The following ARHGAP26 variants were observed in gnomAD, a reference collection of about 807,000 sequenced individuals.
The protein encoded by ARHGAP26 is rho GTPase-activating protein 26.
A neutral mutation model predicts 104.8 loss-of-function variants in ARHGAP26; 38 were observed. The ratio of observed to expected loss-of-function variants is 0.36; its 90% CI spans 0.28 to 0.48. The LOEUF (loss-of-function observed/expected upper bound fraction) is 0.48, where lower values mean the gene tolerates loss of function less well. Among genes scored for constraint, ARHGAP26 ranks in the 20% least tolerant of loss-of-function variants. The pLI is 0.99. For missense variants in ARHGAP26, 704 were observed against 947.9 expected, an observed-to-expected ratio of 0.74 and a Z score of 3.38; for synonymous variants, 341 against 340.0, an observed-to-expected ratio of 1.00 and a Z score of -0.03.
chr5:142,969,028 C>G (rs1771840389), intron 11 of ARHGAP26, among the ~76,000 whole-genome samples: 1 of 152,218 alleles, frequency 6.6e-6, no homozygotes, highest in South Asian at 2.1e-4. Context: ...ACCTCCCAGG[C>G]TCAAGTGATC....
intron 17 of ARHGAP26, among the ~76,000 whole-genome samples, chr5:143,097,360 G>GAAAAAAAAAAAAAA (rs56116431): frequency 1.6e-5 from 1 of 63,248 alleles, no homozygotes; most frequent in Non-Finnish European, 3.5e-5. Context: ...TCAAAAAAAA[G>GAAAAAAAAAAAAAA]AAAAAAAAAA....
intron 17 of ARHGAP26, chr5:143,058,093 A>C (rs917178863): frequency 4.2e-6 from 2 of 480,772 alleles, no homozygotes; most frequent in Non-Finnish European, 8.2e-6. Context: ...TATGCTCATC[A>C]AGAACAAACA....
At chr5:143,151,813 C>T (rs1440616367) in intron 20 of ARHGAP26, among the ~76,000 whole-genome samples, 1 of 152,052 alleles carries the variant, frequency 6.6e-6, no homozygotes, top group African/African-American at 2.4e-5. Flanking sequence ...AAAAAATTAG[C>T]TGGGCATGAT....
At chr5:142,843,659 A>G (rs1771280658) in intron 1 of ARHGAP26, among the ~76,000 whole-genome samples, 1 of 152,202 alleles carries the variant, frequency 6.6e-6, no homozygotes, top group African/African-American at 2.4e-5. Flanking sequence ...TGATTAAAAC[A>G]TTTCTCAGTA....
intron 20 of ARHGAP26, among the ~76,000 whole-genome samples, chr5:143,178,629 G>C (rs895930751): frequency 6.6e-6 from 1 of 152,176 alleles, no homozygotes; most frequent in Non-Finnish European, 1.5e-5. Context: ...CATTTCTGTC[G>C]TTGTACTTAA....
At chr5:143,051,114 G>C (rs1598806513) in intron 14 of ARHGAP26, among the ~76,000 whole-genome samples, 1 of 152,094 alleles carries the variant, frequency 6.6e-6, no homozygotes, top group East Asian at 1.9e-4. Flanking sequence ...CTCACTTAAA[G>C]AGAGAAAAAG....
intron 17 of ARHGAP26, among the ~76,000 whole-genome samples, chr5:143,074,986 G>A (rs769984229): frequency 3.9e-5 from 6 of 152,226 alleles, no homozygotes; most frequent in Non-Finnish European, 5.9e-5. Flanking sequence ...TGTGAGATAG[G>A]TGCTGGGGAA....
At chr5:143,118,803 G>T (rs557968617) in intron 17 of ARHGAP26, among the ~76,000 whole-genome samples, 7 of 151,928 alleles carry the variant, frequency 4.6e-5, no homozygotes, top group South Asian at 4.1e-4. Context: ...GTGGGGAGAG[G>T]GGGGAGGGAT....
At chr5:143,014,374 C>T (rs899907522) in intron 12 of ARHGAP26, 3 of 547,986 alleles carry the variant, frequency 5.5e-6, no homozygotes, top group East Asian at 3.0e-5. Flanking sequence ...AAAGCATTCT[C>T]GTGTACATTA....
intron 11 of ARHGAP26, among the ~76,000 whole-genome samples, chr5:142,971,924 A>G (rs1341876991): frequency 6.6e-6 from 1 of 152,160 alleles, no homozygotes; most frequent in African/African-American, 2.4e-5. Flanking sequence ...GCTCACGCCT[A>G]TAATCCCAGC....
intron 1 of ARHGAP26, among the ~76,000 whole-genome samples, chr5:142,808,248 A>T (rs1763392396): frequency 3.0e-5 from 4 of 135,330 alleles, no homozygotes; most frequent in African/African-American, 6.4e-5. Context: ...AAAAAAAAAA[A>T]AAAAAAAAAA....
intron 1 of ARHGAP26, among the ~76,000 whole-genome samples, chr5:142,781,786 A>G (rs961945987): frequency 1.3e-5 from 2 of 152,106 alleles, no homozygotes; most frequent in Admixed American, 6.6e-5. Context: ...ATCTTGGCTC[A>G]CTGCAACCTC....
intron 5 of ARHGAP26, among the ~76,000 whole-genome samples, chr5:142,888,387 T>A (rs1758018807): frequency 6.6e-6 from 1 of 152,250 alleles, no homozygotes; most frequent in Non-Finnish European, 1.5e-5. Flanking sequence ...ACCTTAGTGA[T>A]CATCCATTTC....
intron 17 of ARHGAP26, among the ~76,000 whole-genome samples, chr5:143,105,458 T>G (rs1793873825): frequency 6.6e-6 from 1 of 151,896 alleles, no homozygotes; most frequent in African/African-American, 2.4e-5. Flanking sequence ...CAAACTGACA[T>G]TAGCTAATGT....
chr5:142,991,059 A>C (rs1775537792), intron 11 of ARHGAP26, among the ~76,000 whole-genome samples: 1 of 152,150 alleles, frequency 6.6e-6, no homozygotes, highest in Non-Finnish European at 1.5e-5. Context: ...CTGCCCCCAG[A>C]GGTGGAGTCT....
At chr5:142,864,283 C>T (rs574781454) in intron 1 of ARHGAP26, among the ~76,000 whole-genome samples, 1 of 152,296 alleles carries the variant, frequency 6.6e-6, no homozygotes, top group Non-Finnish European at 1.5e-5. Flanking sequence ...TGGCCTGCCT[C>T]CCCAGGCAGT....
In ARHGAP26 at chr5:142,879,457, G is replaced by T; in HGVS notation, c.384+12G>T. The stretch of plus-strand genomic sequence containing the variant: ...TCGGGGCTGCCAAGGTGAGAATTTT[G>T]CAAGCTTTGGTCTGGATTTTAGGGT... On this transcript the variant is annotated intron_variant, in intron 4 of 22. Transcript: ENST00000645722. 1.2e-6 allele frequency: 2 copies of T among 1,608,126 alleles called. No individual in the cohort carries two copies. The highest frequency in any genetic ancestry group is 1.7e-6 in the Non-Finnish European group (2 of 1,177,060).
chr5:142,890,060 T>C (rs1330889694), intron 5 of ARHGAP26, among the ~76,000 whole-genome samples: 1 of 145,364 alleles, frequency 6.9e-6, no homozygotes, highest in African/African-American at 2.6e-5. Flanking sequence ...ATCTTGAACC[T>C]GGGAGGCGGA....
At chr5:142,791,170 C>G (rs1759727125) in intron 1 of ARHGAP26, among the ~76,000 whole-genome samples, 2 of 152,068 alleles carry the variant, frequency 1.3e-5, no homozygotes, top group African/African-American at 4.8e-5. Flanking sequence ...CCTCCACCTC[C>G]CAGGTTCAAG....
Sources: allele counts gnomAD v4.1 joint callset (sites outside exome capture counted in the v4.1 genomes callset), GRCh38; gene constraint gnomAD v4.1.1; transcripts MANE v1.5; gene names NCBI Gene and HGNC (gene_info 2026-07-23, HGNC 2026-07-21).